Variants in GCNA observed in about 807,000 individuals in gnomAD.
GCNA encodes germ cell nuclear acidic peptidase.
In GCNA, 3 loss-of-function variants were observed where a neutral mutation model predicts 38.8. The observed-to-expected ratio is 0.08, with a 90% CI of 0.04 to 0.20. GCNA has a LOEUF of 0.20. GCNA is among the 10% of genes least tolerant of loss of function. The pLI, the probability that GCNA is intolerant of heterozygous loss-of-function variation, is 1.00. For missense variants in GCNA, 446 were observed against 578.6 expected, an observed-to-expected ratio of 0.77 and a Z score of 2.35; for synonymous variants, 195 against 240.2, an observed-to-expected ratio of 0.81 and a Z score of 1.74.
intron 9 of GCNA, among the ~76,000 whole-genome samples, chrX:71,607,634 C>G (rs984723195): frequency 4.5e-5 from 5 of 112,336 alleles, no homozygotes; most frequent in Non-Finnish European, 7.5e-5. Flanking sequence ...GTGGTTTAAT[C>G]AAAAGACCAT....
In GCNA at chrX:71,603,731, A is replaced by C. The variant is rs775213938; in HGVS notation, c.454A>C (p.Asn152His). ...TGATGATTCAGAAGCTCCCGACGACAACAGTGATGATTCGGAAGCTCCTGA... is the reference window on the plus strand; with the variant it reads ...TGATGATTCAGAAGCTCCCGACGACCACAGTGATGATTCGGAAGCTCCTGA... The part of the protein sequence containing the change: ...NSDDSEAPDD[N>H]SDDSEAPDDN... Residue 152 changes from asparagine (N) to histidine (H), a missense_variant, in exon 8 of 13, where the codon AAC becomes CAC. By Grantham distance (68) the Asn-to-His change is moderately conservative (BLOSUM62 1). This residue lies in a region of GCNA where 118 missense variants were observed against 122.8 expected (regional missense o/e 0.96). Coordinates refer to ENST00000373696, the MANE Select transcript of GCNA (RefSeq NM_052957.5). 2 of 1,207,943 alleles carry C rather than the reference A, an allele frequency of 1.7e-6. No individual in the cohort carries two copies. The highest frequency in any genetic ancestry group is 3.0e-5 in the East Asian group (1 of 33,796).
chrX:71,584,410 A>C (rs2040569361), intron 2 of GCNA, among the ~76,000 whole-genome samples: 1 of 109,903 alleles, frequency 9.1e-6, no homozygotes, highest in Admixed American at 9.6e-5. Context: ...CACCATGCCC[A>C]GCTAATTTTT....
chrX:71,589,450 C>CTTTTTTTTT (rs371046758), intron 2 of GCNA, among the ~76,000 whole-genome samples: 6 of 37,698 alleles, frequency 1.6e-4, no homozygotes, highest in Non-Finnish European at 2.8e-4. Flanking sequence ...CATATATTTC[C>CTTTTTTTTT]TTTTTTTTTT....
chrX:71,590,267 A>G (rs765169063), intron 2 of GCNA, among the ~76,000 whole-genome samples: 1 of 111,442 alleles, frequency 9.0e-6, no homozygotes, highest in Non-Finnish European at 1.9e-5. Flanking sequence ...ATATTTTGCC[A>G]TTAGGGATTT....
chrX:71,595,268 G>A, intron 6 of GCNA, among the ~76,000 whole-genome samples: 1 of 111,268 alleles, frequency 9.0e-6, no homozygotes, highest in Non-Finnish European at 1.9e-5. Context: ...GCTAATTTTT[G>A]TGTTTTTAGT....
At position 71,610,293 on chromosome X, in the gene GCNA, G is replaced by A. The variant is rs145696983; in HGVS notation, c.1612-388G>A. Among the ~76,000 whole-genome samples, 94 of 112,100 alleles carry A rather than the reference G, an allele frequency of 8.4e-4. 2 individuals are homozygous for A. The East Asian group carries it at 0.016, about 19-fold the overall frequency. ...TTTTTATTAGAGGGTAAAAAACTCT[G>A]GAGTTAATATTTTCTGGTCTGCTTA... On this transcript the variant is annotated intron_variant, in intron 10 of 12. Transcript: ENST00000373696.
Position 71,610,830 on chromosome X carries a change from G to C in GCNA, c.1750+11G>C. The C allele has an allele frequency of 8.3e-7, 1 of 1,210,881 alleles. No homozygotes were observed. Among genetic ancestry groups the C allele is most frequent in the Non-Finnish European group, 1.1e-6 (1 of 895,031 alleles). ...TCTGCGACTCTGCAGGTGATGGCAG[G>C]AGTGTGGTAGCTTCACCACTGTGCT... On this transcript the variant is annotated intron_variant, in intron 11 of 12. Coordinates refer to ENST00000373696, the MANE Select transcript of GCNA (RefSeq NM_052957.5).
Position 71,595,256 on chromosome X carries a change from C to T in GCNA, c.221+477C>T, listed in dbSNP as rs141262372. 9.6e-3 allele frequency among the ~76,000 whole-genome samples: 1,064 copies of T among 111,276 alleles called. 12 individuals carry two copies. The highest frequency in any genetic ancestry group is 0.033 in the African/African-American group (1,024 of 30,617). On this transcript the variant is annotated intron_variant, in intron 6 of 12. Coordinates refer to ENST00000373696, the MANE Select transcript of GCNA (RefSeq NM_052957.5). Reference sequence around the variant, plus strand: ...GATTACTGGCACACGCCACCATGCCCGGCTAATTTTTGTGTTTTTAGTAGA... The same window carrying T: ...GATTACTGGCACACGCCACCATGCCTGGCTAATTTTTGTGTTTTTAGTAGA...
At chrX:71,612,281 A>C in intron 11 of GCNA, 74 bp from the exon 12 acceptor site, 1 of 790,467 alleles carries the variant, frequency 1.3e-6, no homozygotes, top group South Asian at 2.8e-5. Flanking sequence ...ATCTCAAAAA[A>C]GGAAAAAAAA....
chrX:71,595,521 G>A (rs1359174081), intron 6 of GCNA, among the ~76,000 whole-genome samples: 3 of 111,578 alleles, frequency 2.7e-5, no homozygotes, highest in Non-Finnish European at 5.7e-5. Context: ...CAAATAGCTC[G>A]TAATAGAAAA....
At chrX:71,599,694 A>G (rs1025935687) in intron 7 of GCNA, among the ~76,000 whole-genome samples, 1 of 112,223 alleles carries the variant, frequency 8.9e-6, no homozygotes, top group African/African-American at 3.2e-5. Context: ...AGGCAATTCT[A>G]CAGAAAACAA....
chrX:71,585,868 TCA>T lies in GCNA; in HGVS notation c.59+4990_59+4991del, dbSNP rs1186344565. 7.2e-5 allele frequency among the ~76,000 whole-genome samples: 4 copies of T among 55,339 alleles called. No individual in the cohort carries two copies. The African/African-American group carries it at 7.4e-4, about 10-fold the overall frequency. 48.1% of individuals were successfully genotyped at this position (55,339 alleles called of 115,157 possible). A position where few individuals can be genotyped will look rare whatever the true frequency, so the allele number is the denominator to read the frequency against. On this transcript the variant is annotated intron_variant, in intron 2 of 12. Transcript: ENST00000373696. ...AAAATAATAGAAGGGGTCTTTGGAA[TCA>T]CTTTGAGATTTTGAGATTCATTCAT...
chrX:71,598,989 C>T (rs191864704), intron 7 of GCNA, among the ~76,000 whole-genome samples: 6 of 109,569 alleles, frequency 5.5e-5, no homozygotes, highest in South Asian at 4.0e-4. Flanking sequence ...TACAGGCGCC[C>T]GCCACCATGC....
intron 2 of GCNA, among the ~76,000 whole-genome samples, chrX:71,584,386 G>A (rs1275813553): frequency 2.7e-5 from 3 of 110,297 alleles, no homozygotes; most frequent in African/African-American, 9.9e-5. Flanking sequence ...GAGTAGCTGG[G>A]ACTACAGATG....
chrX:71,609,221 C>A, intron 10 of GCNA, 104 bp downstream of exon 10: 1 of 845,194 alleles, frequency 1.2e-6, no homozygotes, highest in Non-Finnish European at 1.7e-6. Context: ...TGAGCAGAGG[C>A]AGTTAAGGTT....
At chrX:71,609,949 G>T (rs1190714835) in intron 10 of GCNA, among the ~76,000 whole-genome samples, 1 of 111,905 alleles carries the variant, frequency 8.9e-6, no homozygotes, top group Non-Finnish European at 1.9e-5. Flanking sequence ...CCCAGCCTTT[G>T]ATGCCCTTCT....
intron 2 of GCNA, among the ~76,000 whole-genome samples, chrX:71,590,853 T>C (rs1216484387): frequency 9.1e-6 from 1 of 110,148 alleles, no homozygotes; most frequent in Non-Finnish European, 1.9e-5. Context: ...TGGCTAATTT[T>C]TGTATTTTCA....
intron 4 of GCNA, among the ~76,000 whole-genome samples, chrX:71,593,224 A>C (rs1181196590): frequency 8.9e-6 from 1 of 112,051 alleles, no homozygotes; most frequent in Non-Finnish European, 1.9e-5. Context: ...TAGAGCCTGG[A>C]CTTCCTTATA....
chrX:71,584,369 G>T (rs1230561114), intron 2 of GCNA, among the ~76,000 whole-genome samples: 2 of 110,746 alleles, frequency 1.8e-5, no homozygotes, highest in Non-Finnish European at 3.8e-5. Flanking sequence ...TCCCACCTCA[G>T]CCTTCAGAGT....
Sources: allele counts gnomAD v4.1 joint callset (sites outside exome capture counted in the v4.1 genomes callset), GRCh38; gene constraint gnomAD v4.1.1; regional missense constraint gnomAD v4.1.1; transcripts MANE v1.5; gene names NCBI Gene and HGNC (gene_info 2026-07-23, HGNC 2026-07-21).